ITGAV: variants seen among roughly 807,000 people sequenced by gnomAD.
ITGAV encodes integrin subunit alpha V, also known as integrin alpha-V.
In ITGAV, 76 loss-of-function variants were observed where a neutral mutation model predicts 143.8. That is an observed-to-expected ratio of 0.53 (90% CI 0.44 to 0.64). The LOEUF (loss-of-function observed/expected upper bound fraction) is 0.64. Ranked by LOEUF, ITGAV falls within the 30% of genes least tolerant of loss-of-function variation. The pLI is 0.00. For missense variants in ITGAV, 1,193 were observed against 1,274.7 expected, an observed-to-expected ratio of 0.94 and a Z score of 0.98; for synonymous variants, 453 against 446.7, an observed-to-expected ratio of 1.01 and a Z score of -0.18.
chr2:186,601,096 C>A (rs1047375132), intron 1 of ITGAV, among the ~76,000 whole-genome samples: 2 of 151,996 alleles, frequency 1.3e-5, no homozygotes, highest in African/African-American at 4.8e-5. Flanking sequence ...AAGAAAACAT[C>A]TCTTTAAAAT....
intron 14 of ITGAV, among the ~76,000 whole-genome samples, chr2:186,650,507 T>G (rs1688394300): frequency 6.6e-6 from 1 of 151,386 alleles, no homozygotes; most frequent in Admixed American, 6.6e-5. Flanking sequence ...GCCAGCTATT[T>G]TGAAATGTAC....
chr2:186,636,294 T>TTA, intron 7 of ITGAV, 87 bp downstream of exon 7: 1 of 1,035,312 alleles, frequency 9.7e-7, no homozygotes, highest in Non-Finnish European at 1.4e-6. Context: ...GAAAAATATT[T>TTA]TATGTGAAAT....
At chr2:186,674,486 A>G (rs923883107) in intron 26 of ITGAV, among the ~76,000 whole-genome samples, 1 of 151,450 alleles carries the variant, frequency 6.6e-6, no homozygotes, top group African/African-American at 2.4e-5. Context: ...GCTTTACTTT[A>G]TCATTTCTAA....
intron 17 of ITGAV, 135 bp from the exon 18 acceptor site, chr2:186,658,903 T>C: frequency 3.6e-6 from 2 of 553,092 alleles, no homozygotes; most frequent in Non-Finnish European, 3.1e-6. Context: ...TCTACATAAG[T>C]ATAATTTTCC....
intron 2 of ITGAV, among the ~76,000 whole-genome samples, chr2:186,602,927 C>T (rs1686954117): frequency 6.7e-6 from 1 of 148,638 alleles, no homozygotes; most frequent in Non-Finnish European, 1.5e-5. Context: ...TTCAGGTGGA[C>T]TTAGGTGACG....
chr2:186,634,992 C>CT (rs151015670), intron 6 of ITGAV, among the ~76,000 whole-genome samples: 3,888 of 149,164 alleles, frequency 0.026, 162 homozygotes, highest in African/African-American at 0.088. Context: ...AATGTATGAC[C>CT]TTTTTTTTTA....
At chr2:186,645,337 T>C (rs1043905313) in intron 12 of ITGAV, among the ~76,000 whole-genome samples, 83 of 151,910 alleles carry the variant, frequency 5.5e-4, no homozygotes, top group African/African-American at 1.7e-3. Context: ...GGAATAGAGT[T>C]GTAAAAGCTC....
chr2:186,668,216 A>AT (rs1186490756), intron 24 of ITGAV, among the ~76,000 whole-genome samples: 3 of 4,200 alleles, frequency 7.1e-4, no homozygotes, highest in Non-Finnish European at 1.4e-3. Context: ...ATATATATAT[A>AT]TTTTTTTTTT....
chr2:186,606,767 T>G (rs1255188286), intron 2 of ITGAV, among the ~76,000 whole-genome samples: 2 of 152,214 alleles, frequency 1.3e-5, no homozygotes, highest in Non-Finnish European at 2.9e-5. Flanking sequence ...TCTTCATCAC[T>G]TGTCATGCTT....
At chr2:186,619,666 A>T (rs1391189811) in intron 2 of ITGAV, among the ~76,000 whole-genome samples, 1 of 152,138 alleles carries the variant, frequency 6.6e-6, no homozygotes, top group African/African-American at 2.4e-5. Context: ...TACCCCATGA[A>T]TATGTAAAAT....
intron 15 of ITGAV, among the ~76,000 whole-genome samples, chr2:186,654,288 G>A (rs546803876): frequency 6.6e-6 from 1 of 150,828 alleles, no homozygotes; most frequent in Non-Finnish European, 1.5e-5. Flanking sequence ...AGCCGAGATC[G>A]TGCCACTGTA....
intron 16 of ITGAV, among the ~76,000 whole-genome samples, chr2:186,655,858 ACTT>A (rs1688568359): frequency 6.6e-6 from 1 of 152,188 alleles, no homozygotes; most frequent in South Asian, 2.1e-4. Context: ...ATGAGCAAAT[ACTT>A]CTTAATCAAA....
intron 2 of ITGAV, among the ~76,000 whole-genome samples, chr2:186,608,770 G>T (rs1000254305): frequency 6.6e-6 from 1 of 151,984 alleles, no homozygotes; most frequent in Non-Finnish European, 1.5e-5. Context: ...GCAAGTTTTG[G>T]GCTCTTCATG....
chr2:186,667,273 C>G, intron 23 of ITGAV, 43 bp downstream of exon 23: 1 of 1,442,890 alleles, frequency 6.9e-7, no homozygotes, highest in Non-Finnish European at 9.7e-7. Context: ...CTCATGATTG[C>G]TTTTTAAAGG....
intron 1 of ITGAV, among the ~76,000 whole-genome samples, chr2:186,593,412 A>C (rs1574455273): frequency 6.6e-6 from 1 of 152,140 alleles, no homozygotes; most frequent in Non-Finnish European, 1.5e-5. Flanking sequence ...CGAAGTAAAA[A>C]TTCACAAATA....
At chr2:186,647,470 A>G (rs377628590) in intron 13 of ITGAV, among the ~76,000 whole-genome samples, 2 of 152,172 alleles carry the variant, frequency 1.3e-5, no homozygotes, top group Non-Finnish European at 2.9e-5. Flanking sequence ...TCATGAGCTC[A>G]AGCGATCCAA....
chr2:186,596,080 A>G (rs1441178788), intron 1 of ITGAV, among the ~76,000 whole-genome samples: 1 of 152,238 alleles, frequency 6.6e-6, no homozygotes, highest in African/African-American at 2.4e-5. Flanking sequence ...CAGGACGAAG[A>G]TGATAATTAA....
In ITGAV at chr2:186,677,035, A is replaced by G; in HGVS notation, c.3051+100A>G. The G allele has an allele frequency of 6.8e-6, 9 of 1,333,156 alleles. No homozygotes were observed. In the South Asian group the frequency reaches 1.1e-4, roughly 17 times the overall value. 82.6% of individuals were successfully genotyped at this position (1,333,156 alleles called of 1,614,324 possible). A position where few individuals can be genotyped will look rare whatever the true frequency, so the allele number is the denominator to read the frequency against. On this transcript the variant is annotated intron_variant, in intron 29 of 29. Coordinates refer to ENST00000261023, the MANE Select transcript of ITGAV (RefSeq NM_002210.5). Reference sequence around the variant, plus strand: ...GAAAAGTAAGGGAAGGAAGAAAGGGACTGTAATGATGATACTTGATGAGCA... The same window carrying G: ...GAAAAGTAAGGGAAGGAAGAAAGGGGCTGTAATGATGATACTTGATGAGCA...
chr2:186,594,560 A>G (rs1369070772), intron 1 of ITGAV, among the ~76,000 whole-genome samples: 1 of 152,330 alleles, frequency 6.6e-6, no homozygotes, highest in Non-Finnish European at 1.5e-5. Context: ...TTAAACGTGC[A>G]GAACATCTTG....
Sources: allele counts gnomAD v4.1 joint callset (sites outside exome capture counted in the v4.1 genomes callset), GRCh38; gene constraint gnomAD v4.1.1; transcripts MANE v1.5; gene names NCBI Gene and HGNC (gene_info 2026-07-23, HGNC 2026-07-21).